The following TCF7L2 variants were observed in gnomAD, a reference collection of about 807,000 sequenced individuals.
TCF7L2 encodes transcription factor 7-like 2.
Under a neutral mutation model 77.9 loss-of-function variants are expected in TCF7L2, and 23 were observed. That is an observed-to-expected ratio of 0.30 (90% CI 0.21 to 0.42). The LOEUF is 0.42. Among genes scored for constraint, TCF7L2 ranks in the 10% least tolerant of loss-of-function variants. TCF7L2 has a pLI of 1.00. For synonymous variants in TCF7L2, 413 were observed against 340.2 expected (o/e 1.21, Z -2.36); for missense variants, 654 against 793.1 (o/e 0.82, Z 2.11).
chr10:113,093,807 C>T (rs892092144), intron 5 of TCF7L2, among the ~76,000 whole-genome samples: 4 of 152,198 alleles, frequency 2.6e-5, no homozygotes, highest in African/African-American at 9.6e-5. Flanking sequence ...GGCATATAAC[C>T]GCATTCAGAT....
At chr10:113,147,722 C>G (rs983578021) in intron 8 of TCF7L2, among the ~76,000 whole-genome samples, 4 of 152,102 alleles carry the variant, frequency 2.6e-5, no homozygotes, top group African/African-American at 4.8e-5. Flanking sequence ...TATATTACAC[C>G]TGGTTATTTT....
intron 5 of TCF7L2, among the ~76,000 whole-genome samples, chr10:113,056,238 C>G (rs1052713711): frequency 1.3e-5 from 2 of 152,186 alleles, no homozygotes; most frequent in African/African-American, 4.8e-5. Context: ...AAGTAAGTGG[C>G]AGAGCCAAGA....
In TCF7L2 at chr10:113,040,016, T is replaced by A; in HGVS notation, c.451-9T>A. 6.2e-7 allele frequency: 1 copy of A among 1,611,666 alleles called. No individual in the cohort carries two copies. Among genetic ancestry groups the A allele is most frequent in the Non-Finnish European group, 8.5e-7 (1 of 1,178,844 alleles). ...TGTTTTTCATTTCACTTTTGTTTCC[T>A]CTCGCCAGTATCTCCAGATGAAATG... is the stretch of plus-strand genomic sequence containing the variant. On this transcript the variant is annotated splice_polypyrimidine_tract_variant and intron_variant, in intron 4 of 13. Transcript: ENST00000627217.
chr10:113,108,736 G>T (rs1291729981), intron 5 of TCF7L2, among the ~76,000 whole-genome samples: 1 of 152,204 alleles, frequency 6.6e-6, no homozygotes, highest in Non-Finnish European at 1.5e-5. Context: ...AGGACTGCCT[G>T]CCCTGGTCGT....
chr10:113,099,938 GAA>G (rs1564893436), intron 5 of TCF7L2, among the ~76,000 whole-genome samples: 1 of 152,080 alleles, frequency 6.6e-6, no homozygotes, highest in Non-Finnish European at 1.5e-5. Flanking sequence ...TCAGGATCAG[GAA>G]AAAGCAAAAA....
intron 3 of TCF7L2, among the ~76,000 whole-genome samples, chr10:112,956,385 A>C (rs2033632659): frequency 6.7e-6 from 1 of 149,750 alleles, no homozygotes; most frequent in East Asian, 1.9e-4. Context: ...GGAGTTGCCA[A>C]ATAAATAAGC....
intron 4 of TCF7L2, among the ~76,000 whole-genome samples, 198 bp downstream of exon 4, chr10:112,964,822 T>TGGTGGTGGTGG (rs1554875168): frequency 9.5e-5 from 7 of 73,634 alleles, no homozygotes; most frequent in Non-Finnish European, 1.6e-4. Context: ...TGGGGGGGGG[T>TGGTGGTGGTGG]TGAATCACTG....
chr10:113,004,637 A>G (rs1378775879), intron 4 of TCF7L2, among the ~76,000 whole-genome samples: 1 of 152,046 alleles, frequency 6.6e-6, no homozygotes, highest in Non-Finnish European at 1.5e-5. Context: ...AATTTCCCAC[A>G]GTGAATTGAC....
intron 12 of TCF7L2, among the ~76,000 whole-genome samples, chr10:113,158,342 C>T (rs1355513839): frequency 2.0e-5 from 3 of 150,728 alleles, no homozygotes; most frequent in East Asian, 2.0e-4. Context: ...GGAGAGCAAG[C>T]GGTAGGCATG....
chr10:112,961,257 C>T lies in TCF7L2; in HGVS notation c.382-3299C>T, dbSNP rs185406104. Among the ~76,000 whole-genome samples the T allele has an allele frequency of 3.8e-5, 3 of 78,066 alleles. 1 individual carries two copies. Among genetic ancestry groups the T allele is most frequent in the East Asian group, 3.6e-4 (1 of 2,746 alleles). 51.2% of individuals were successfully genotyped at this position (78,066 alleles called of 152,430 possible). ...CTCGAACTCCCGACCTCAGGTGACC[C>T]CCCCCCCCCCAACCTCGGCCTTCCA... On this transcript the variant is annotated intron_variant, in intron 3 of 13. Coordinates refer to ENST00000627217, the MANE Select transcript of TCF7L2 (RefSeq NM_001146274.2).
chr10:113,156,832 C>T (rs561126824), intron 11 of TCF7L2, among the ~76,000 whole-genome samples: 15 of 152,358 alleles, frequency 9.8e-5, no homozygotes, highest in African/African-American at 3.6e-4. Flanking sequence ...CTCCTGGCCC[C>T]ACCACTTGCT....
Position 112,989,016 on chromosome 10 carries a change from C to T in TCF7L2, c.450+24392C>T, listed in dbSNP as rs931227370. On this transcript the variant is annotated intron_variant, in intron 4 of 13. Transcript: ENST00000627217. ...TTGAGTCTGGGCCTTGTCTGAGGCT[C>T]GGGTCCTGTCATGCTCTGCGGTTGC... Among the ~76,000 whole-genome samples, 5 of 152,050 alleles carry T rather than the reference C, an allele frequency of 3.3e-5. No individual in the cohort carries two copies. In the South Asian group the frequency reaches 6.2e-4, roughly 19 times the overall value.
rs536565814 is a variant in TCF7L2, at chr10:113,100,863, G to A, written c.553-40321G>A. Among the ~76,000 whole-genome samples the A allele has an allele frequency of 7.2e-5, 11 of 152,126 alleles. No homozygotes were observed. In the South Asian group the frequency reaches 2.3e-3, roughly 32 times the overall value. ...GGCTGACGCAGGTGGATCACCTGAG[G>A]TCGGGAGTTCGAGACCAGCCTGACC... On this transcript the variant is annotated intron_variant, in intron 5 of 13. Transcript: ENST00000627217.
Position 113,029,786 on chromosome 10 carries a change from C to T in TCF7L2, c.451-10239C>T, listed in dbSNP as rs148288814. On this transcript the variant is annotated intron_variant, in intron 4 of 13. Transcript: ENST00000627217. ...TCAGGTGATCCAACCGCCTCGGCCT[C>T]CCAAAGTGCTGGGATTACAGGTGTG... 7.6e-3 allele frequency among the ~76,000 whole-genome samples: 1,152 copies of T among 152,246 alleles called. 8 individuals carry two copies. Among genetic ancestry groups the T allele is most frequent in the Middle Eastern group, 0.017 (5 of 294 alleles).
rs148316789 is a variant in TCF7L2 at position 112,991,636 on chromosome 10, C to G, written c.450+27012C>G. On this transcript the variant is annotated intron_variant, in intron 4 of 13. Transcript: ENST00000627217. Reference sequence around the variant, plus strand: ...GAGGCTGCTACAGGGACAGCCAGCTCTCTTTAGATGGTCCCCACCATCTAG... The same window carrying G: ...GAGGCTGCTACAGGGACAGCCAGCTGTCTTTAGATGGTCCCCACCATCTAG... Among the ~76,000 whole-genome samples the G allele has an allele frequency of 6.9e-3, 1,046 of 152,308 alleles. 10 individuals carry two copies. Among genetic ancestry groups the G allele is most frequent in the African/African-American group, 0.023 (975 of 41,568 alleles).
chr10:113,139,348 C>T (rs777075660), intron 5 of TCF7L2, among the ~76,000 whole-genome samples: 2 of 152,152 alleles, frequency 1.3e-5, no homozygotes, highest in Non-Finnish European at 2.9e-5. Context: ...TCAAGTTGTC[C>T]TGAGCAAATC....
intron 12 of TCF7L2, among the ~76,000 whole-genome samples, chr10:113,158,282 A>G (rs1259701361): frequency 6.6e-6 from 1 of 152,180 alleles, no homozygotes; most frequent in African/African-American, 2.4e-5. Flanking sequence ...TGAAAAGCAC[A>G]TTGTAATTCT....
intron 5 of TCF7L2, among the ~76,000 whole-genome samples, chr10:113,118,815 G>T (rs978542851): frequency 6.6e-6 from 1 of 151,622 alleles, no homozygotes; most frequent in African/African-American, 2.4e-5. Flanking sequence ...TTTGTATTAC[G>T]CTCTGGGATT....
chr10:113,129,953 A>G, intron 5 of TCF7L2: 1 of 1,291,636 alleles, frequency 7.7e-7, no homozygotes, highest in South Asian at 1.2e-5. Context: ...CTGTTCCAGC[A>G]GTTGGGCGGT....
Sources: gnomAD v4.1 joint callset for allele counts (sites outside exome capture counted in the v4.1 genomes callset) on GRCh38, gnomAD v4.1.1 for gene constraint, MANE v1.5 for transcripts, NCBI Gene and HGNC (gene_info 2026-07-23, HGNC 2026-07-21) for gene names.